Variants in LRP6 observed in about 807,000 individuals in gnomAD.
LRP6 encodes low-density lipoprotein receptor-related protein 6.
A neutral mutation model predicts 184.1 loss-of-function variants in LRP6; 43 were observed. The observed-to-expected ratio is 0.23, with a 90% CI of 0.18 to 0.30. The LOEUF is 0.30. Ranked by LOEUF, LRP6 falls within the 10% of genes least tolerant of loss-of-function variation. The probability of loss-of-function intolerance (pLI) is 1.00; values close to 1 mark genes in which losing one functional copy is unlikely to be tolerated. For synonymous variants in LRP6, 719 were observed against 684.9 expected (o/e 1.05, Z -0.78); for missense variants, 1,571 against 2,005.3 (o/e 0.78, Z 4.14).
chr12:12,182,571 A>G (rs1244988044), intron 5 of LRP6, among the ~76,000 whole-genome samples: 1 of 152,252 alleles, frequency 6.6e-6, no homozygotes, highest in African/African-American at 2.4e-5. Flanking sequence ...AAATACTGGC[A>G]TATAAACTTC....
intron 1 of LRP6, among the ~76,000 whole-genome samples, chr12:12,248,577 G>C (rs1865246403): frequency 6.9e-6 from 1 of 145,054 alleles, no homozygotes; most frequent in South Asian, 2.2e-4. Context: ...CGCCTCCCGG[G>C]TTCACGCCAT....
chr12:12,145,093 AATAC>A (rs1447542176), intron 15 of LRP6, among the ~76,000 whole-genome samples: 1 of 152,122 alleles, frequency 6.6e-6, no homozygotes, highest in East Asian at 1.9e-4. Context: ...GCACCAACCT[AATAC>A]ATTCAGATTG....
chr12:12,139,318 A>G (rs956432761), intron 15 of LRP6, among the ~76,000 whole-genome samples: 1 of 152,228 alleles, frequency 6.6e-6, no homozygotes, highest in East Asian at 1.9e-4. Context: ...AATGAAGAAA[A>G]GTGGGGAGAT....
At chr12:12,195,237 T>C (rs1161625548) in intron 3 of LRP6, among the ~76,000 whole-genome samples, 2 of 152,166 alleles carry the variant, frequency 1.3e-5, no homozygotes, top group Non-Finnish European at 2.9e-5. Flanking sequence ...TACTGGATCA[T>C]ATGGTAGTTC....
chr12:12,171,610 T>C (rs186423785), intron 7 of LRP6, among the ~76,000 whole-genome samples: 2 of 152,234 alleles, frequency 1.3e-5, no homozygotes, highest in East Asian at 3.9e-4. Flanking sequence ...TAGAAAGGAA[T>C]TATAAGGATC....
intron 18 of LRP6, 108 bp downstream of exon 18, chr12:12,131,713 T>C: frequency 2.4e-6 from 2 of 845,596 alleles, no homozygotes; most frequent in Non-Finnish European, 4.2e-6. Flanking sequence ...GATACAGTCA[T>C]ATGTACTTGA....
Position 12,244,612 on chromosome 12 carries a change from C to T in LRP6, c.99G>A (p.Leu33=), listed in dbSNP as rs1865140087. The T allele has an allele frequency of 2.5e-6, 4 of 1,614,002 alleles. No homozygotes were observed. The highest frequency in any genetic ancestry group is 1.6e-4 in the Middle Eastern group (1 of 6,084). Residue 33 remains leucine (L), a synonymous_variant, in exon 2 of 23, where the codon TTG becomes TTA. Transcript: ENST00000261349. The part of the protein sequence containing the change: ...LLYANRRDLR[L]VDATNGKENA... ...TCTCTTTGCCATTTGTAGCATCAAC[C>T]AATCGCAAGTCCCGTCTGTTTGCAT...
rs58224930 is a variant in LRP6 at position 12,194,764 on chromosome 12, A to C, written c.648-7645T>G. On this transcript the variant is annotated intron_variant, in intron 3 of 22. Coordinates refer to ENST00000261349, the MANE Select transcript of LRP6 (RefSeq NM_002336.3). Reference sequence around the variant, plus strand: ...TCAGTATCCTCTTTGAAATTATATAATGTTTTACCTATTAAGTACAGTCAT... The same window carrying C: ...TCAGTATCCTCTTTGAAATTATATACTGTTTTACCTATTAAGTACAGTCAT... Among the ~76,000 whole-genome samples, 1,253 of 152,212 alleles carry C rather than the reference A, an allele frequency of 8.2e-3. 9 individuals are homozygous for C. Among genetic ancestry groups the C allele is most frequent in the African/African-American group, 0.029 (1,186 of 41,548 alleles).
intron 17 of LRP6, among the ~76,000 whole-genome samples, chr12:12,132,629 C>T (rs1192542860): frequency 6.6e-6 from 1 of 152,156 alleles, no homozygotes; most frequent in African/African-American, 2.4e-5. Flanking sequence ...TTAGTAATCA[C>T]TGTACTATAC....
rs751167826 is a variant in LRP6 at position 12,164,302 on chromosome 12, G to A, written c.2023C>T (p.Arg675Ter). Residue 675 changes from arginine (R) to a stop codon, truncating the protein, a stop_gained, in exon 9 of 23, where the codon CGA becomes TGA. Coordinates refer to ENST00000261349, the MANE Select transcript of LRP6 (RefSeq NM_002336.3). LOFTEE classifies it high-confidence loss of function. ...AGTGATATATCAGTCCAATAAATTC[G>A]GTTGTCTGTCACATCAAAATCCAAA... is the stretch of plus-strand genomic sequence containing the variant. The part of the protein sequence containing the change: ...SALDFDVTDN[R>*]IYWTDISLKT... 2 of 1,613,924 alleles carry A rather than the reference G, an allele frequency of 1.2e-6. No individual in the cohort carries two copies. Among genetic ancestry groups the A allele is most frequent in the Non-Finnish European group, 1.7e-6 (2 of 1,179,970 alleles).
chr12:12,174,936 T>TA (rs1863132838), intron 7 of LRP6, among the ~76,000 whole-genome samples: 1 of 152,226 alleles, frequency 6.6e-6, no homozygotes, highest in Admixed American at 6.5e-5. Context: ...TGTATCCTCT[T>TA]AAAGTAGGGA....
Position 12,233,858 on chromosome 12 carries a change from T to TA in LRP6, c.449+10403dup, listed in dbSNP as rs559535712. Among the ~76,000 whole-genome samples, 98 of 147,378 alleles carry TA rather than the reference T, an allele frequency of 6.6e-4. 1 individual carries two copies. The highest frequency in any genetic ancestry group is 1.9e-3 in the South Asian group (9 of 4,632). ...TCTGCTTTAAAATATCTCAGCTAAT[T>TA]AAAAAAAAAACCAGCCTAAAAGCCT... On this transcript the variant is annotated intron_variant, in intron 2 of 22. Coordinates refer to ENST00000261349, the MANE Select transcript of LRP6 (RefSeq NM_002336.3).
intron 3 of LRP6, among the ~76,000 whole-genome samples, chr12:12,200,299 A>G (rs1315042474): frequency 2.0e-5 from 3 of 152,202 alleles, no homozygotes; most frequent in Non-Finnish European, 2.9e-5. Context: ...AAGAAAAAAG[A>G]GATGTTTTTG....
At chr12:12,182,915 G>C (rs1408488207) in intron 5 of LRP6, among the ~76,000 whole-genome samples, 1 of 152,212 alleles carries the variant, frequency 6.6e-6, no homozygotes, top group African/African-American at 2.4e-5. Flanking sequence ...GCACTGCTGT[G>C]AGGGAGCAGA....
intron 3 of LRP6, among the ~76,000 whole-genome samples, chr12:12,194,847 A>G (rs1474210136): frequency 6.6e-6 from 1 of 152,026 alleles, no homozygotes; most frequent in Admixed American, 6.6e-5. Context: ...ATTTTTTAGC[A>G]AATCTCTTCT....
chr12:12,193,942 C>A (rs1357127150), intron 3 of LRP6, among the ~76,000 whole-genome samples: 1 of 152,000 alleles, frequency 6.6e-6, no homozygotes, highest in East Asian at 1.9e-4. Context: ...TAAAAATCCT[C>A]AACAGAATAT....
At chr12:12,188,209 CA>C (rs753891360) in intron 3 of LRP6, among the ~76,000 whole-genome samples, 97 of 65,332 alleles carry the variant, frequency 1.5e-3, no homozygotes, top group Non-Finnish European at 1.7e-3. Flanking sequence ...AGACTCATCT[CA>C]AAAAAAAAAA....
chr12:12,121,953 G>C (rs977150013), intron 22 of LRP6, among the ~76,000 whole-genome samples: 2 of 152,190 alleles, frequency 1.3e-5, no homozygotes, highest in East Asian at 3.9e-4. Context: ...AGCCTCAGGG[G>C]CATAACTATT....
chr12:12,147,303 AAC>A, intron 15 of LRP6, 61 bp downstream of exon 15: 1 of 1,559,756 alleles, frequency 6.4e-7, no homozygotes, highest in Non-Finnish European at 8.8e-7. Context: ...ATGCAAGAAA[AAC>A]ACAATAGATG....
Sources: allele counts gnomAD v4.1 joint callset (sites outside exome capture counted in the v4.1 genomes callset), GRCh38; gene constraint gnomAD v4.1.1; transcripts MANE v1.5; gene names NCBI Gene and HGNC (gene_info 2026-07-23, HGNC 2026-07-21).